Variants in DCAF8L2 observed in about 807,000 individuals in gnomAD.
DCAF8L2 encodes DDB1- and CUL4-associated factor 8-like protein 2.
For synonymous variants in DCAF8L2, 200 were observed against 190.9 expected, an observed-to-expected ratio of 1.05 and a Z score of -0.39; for missense variants, 430 against 490.7, an observed-to-expected ratio of 0.88 and a Z score of 1.17.
intron 1 of DCAF8L2, among the ~76,000 whole-genome samples, chrX:27,613,039 G>A (rs1283463527): frequency 9.0e-6 from 1 of 111,644 alleles, no homozygotes. Flanking sequence ...ATTACTTTGG[G>A]CAGTATGGCC....
At chrX:27,503,502 A>AT in the DCAF8L2 span, among the ~76,000 whole-genome samples, 2 of 110,331 alleles carry the variant, frequency 1.8e-5, no homozygotes, top group Non-Finnish European at 3.8e-5. Context: ...GGTTGAGGTT[A>AT]TTTTTTTGCC....
the DCAF8L2 span, among the ~76,000 whole-genome samples, chrX:27,544,165 G>A: frequency 1.8e-5 from 2 of 111,331 alleles, no homozygotes; most frequent in African/African-American, 6.5e-5. Context: ...GACCACCTTT[G>A]CTTGTCAGGC....
chrX:27,556,921 T>C, the DCAF8L2 span, among the ~76,000 whole-genome samples: 1 of 111,282 alleles, frequency 9.0e-6, no homozygotes, highest in African/African-American at 3.2e-5. Context: ...ACATTAACTT[T>C]ATCTTATCTT....
chrX:27,549,759 A>G, the DCAF8L2 span, among the ~76,000 whole-genome samples: 19 of 111,424 alleles, frequency 1.7e-4, no homozygotes, highest in Non-Finnish European at 2.8e-4. Flanking sequence ...AAACCGCTCA[A>G]ATTCTCCCTT....
At chrX:27,526,946 C>T in the DCAF8L2 span, among the ~76,000 whole-genome samples, 2 of 112,406 alleles carry the variant, frequency 1.8e-5, no homozygotes, top group Non-Finnish European at 3.8e-5. Flanking sequence ...CTGGGGGGTG[C>T]CTCCCAGTTA....
At chrX:27,627,774 A>C (rs1341632378) in intron 1 of DCAF8L2, among the ~76,000 whole-genome samples, 1 of 109,022 alleles carries the variant, frequency 9.2e-6, no homozygotes, top group African/African-American at 3.3e-5. Context: ...CGTGCCTGTA[A>C]TCTCAGCTAC....
At chrX:27,570,177 T>C in the DCAF8L2 span, among the ~76,000 whole-genome samples, 4 of 110,990 alleles carry the variant, frequency 3.6e-5, no homozygotes, top group Admixed American at 9.7e-5. Context: ...ATCTGCTTTG[T>C]TCCATTCCTT....
intron 4 of DCAF8L2, among the ~76,000 whole-genome samples, chrX:27,725,028 A>C (rs905456303): frequency 9.0e-6 from 1 of 111,516 alleles, no homozygotes; most frequent in African/African-American, 3.2e-5. Flanking sequence ...TAATATTGTT[A>C]TGAGACTCAT....
At chrX:27,518,617 T>C in the DCAF8L2 span, among the ~76,000 whole-genome samples, 1 of 110,545 alleles carries the variant, frequency 9.0e-6, no homozygotes, top group East Asian at 2.8e-4. Context: ...CTTGCACCTG[T>C]AATCCCAGCT....
At chrX:27,511,343 C>G in the DCAF8L2 span, among the ~76,000 whole-genome samples, 1 of 110,751 alleles carries the variant, frequency 9.0e-6, no homozygotes, top group East Asian at 2.8e-4. Context: ...TAGAATTTTC[C>G]CTTATACACA....
intron 4 of DCAF8L2, among the ~76,000 whole-genome samples, chrX:27,734,818 C>T (rs982198637): frequency 1.8e-5 from 2 of 111,452 alleles, no homozygotes; most frequent in African/African-American, 3.3e-5. Context: ...ATGAAATTCA[C>T]GAGTGTCCAG....
chrX:27,565,651 T>C, the DCAF8L2 span, among the ~76,000 whole-genome samples: 1 of 111,784 alleles, frequency 8.9e-6, no homozygotes, highest in Non-Finnish European at 1.9e-5. Context: ...AGTGTTTCAC[T>C]GAGGCCATCT....
At chrX:27,575,871 A>G in the DCAF8L2 span, among the ~76,000 whole-genome samples, 3,265 of 111,873 alleles carry the variant, frequency 0.029, 109 homozygotes, top group African/African-American at 0.099. Context: ...CTGTAACATC[A>G]CCAACAGCTA....
chrX:27,555,645 C>T, the DCAF8L2 span, among the ~76,000 whole-genome samples: 4 of 112,022 alleles, frequency 3.6e-5, no homozygotes, highest in African/African-American at 1.3e-4. Flanking sequence ...GATAGAATTC[C>T]TGTAAGGATT....
At chrX:27,500,185 C>T in the DCAF8L2 span, among the ~76,000 whole-genome samples, 8 of 111,260 alleles carry the variant, frequency 7.2e-5, no homozygotes, top group Admixed American at 7.7e-4. Flanking sequence ...ACAATTGTCT[C>T]GTAATACAAA....
chrX:27,663,871 T>G (rs1448576000), intron 2 of DCAF8L2, among the ~76,000 whole-genome samples: 4 of 98,926 alleles, frequency 4.0e-5, no homozygotes, highest in Non-Finnish European at 6.1e-5. Flanking sequence ...CTAATTTTTT[T>G]TTTTTTTTTT....
At chrX:27,640,945 T>C (rs756190557) in intron 2 of DCAF8L2, among the ~76,000 whole-genome samples, 1 of 111,965 alleles carries the variant, frequency 8.9e-6, no homozygotes, top group Admixed American at 9.5e-5. Context: ...CTTATAACAG[T>C]CTGCCTTCAA....
chrX:27,483,638 G>C, the DCAF8L2 span, among the ~76,000 whole-genome samples: 1 of 111,069 alleles, frequency 9.0e-6, no homozygotes, highest in African/African-American at 3.3e-5. Context: ...GACATCGTTT[G>C]GGTGTCTGAG....
intron 2 of DCAF8L2, among the ~76,000 whole-genome samples, chrX:27,655,925 C>G (rs1369059215): frequency 9.0e-6 from 1 of 111,187 alleles, no homozygotes; most frequent in Non-Finnish European, 1.9e-5. Flanking sequence ...TCTCCCTTTG[C>G]CCTTTAATTT....
Sources: gnomAD v4.1 joint callset for allele counts (sites outside exome capture counted in the v4.1 genomes callset) on GRCh38, gnomAD v4.1.1 for gene constraint, MANE v1.5 for transcripts, NCBI Gene and HGNC (gene_info 2026-07-23, HGNC 2026-07-21) for gene names.